The following NCOR1 variants were observed in gnomAD, a reference collection of about 807,000 sequenced individuals.
The protein encoded by NCOR1 is protein phosphatase 1, regulatory subunit 109.
In NCOR1, 63 loss-of-function variants were observed where a neutral mutation model predicts 288.1. The observed-to-expected ratio is 0.22, with a 90% CI of 0.18 to 0.27. The LOEUF (loss-of-function observed/expected upper bound fraction) is 0.27, where lower values mean the gene tolerates loss of function less well. NCOR1 is among the 10% of genes least tolerant of loss of function. The probability of loss-of-function intolerance (pLI) is 1.00; values close to 1 mark genes in which losing one functional copy is unlikely to be tolerated. For synonymous variants in NCOR1, 1,007 were observed against 1,065.9 expected, an observed-to-expected ratio of 0.94 and a Z score of 1.08; for missense variants, 2,397 against 3,019.2, an observed-to-expected ratio of 0.79 and a Z score of 4.83.
intron 1 of NCOR1, among the ~76,000 whole-genome samples, chr17:16,207,942 T>A (rs574169401): frequency 1.3e-5 from 2 of 151,566 alleles, no homozygotes; most frequent in Non-Finnish European, 2.9e-5. Flanking sequence ...CTAATCTACT[T>A]AATTTTTTAT....
intron 21 of NCOR1, among the ~76,000 whole-genome samples, chr17:16,096,076 ATGGATTAAGGG>A (rs2066556025): frequency 6.6e-6 from 1 of 152,130 alleles, no homozygotes; most frequent in South Asian, 2.1e-4. Flanking sequence ...TCAGGGTTAA[ATGGATTAAGGG>A]TGGTGCAAGA....
At chr17:16,147,082 A>G (rs1001564238) in intron 9 of NCOR1, among the ~76,000 whole-genome samples, 2 of 152,208 alleles carry the variant, frequency 1.3e-5, no homozygotes, top group African/African-American at 4.8e-5. Flanking sequence ...GACAGTATGA[A>G]AAAGGCAGAA....
At chr17:16,070,966 T>C (rs577361539) in intron 30 of NCOR1, among the ~76,000 whole-genome samples, 4 of 150,080 alleles carry the variant, frequency 2.7e-5, no homozygotes, top group East Asian at 3.9e-4. Flanking sequence ...GAGGCGGACG[T>C]TGCAGTGAGC....
chr17:16,047,968 G>A (rs987385626), intron 41 of NCOR1, among the ~76,000 whole-genome samples: 7 of 152,150 alleles, frequency 4.6e-5, no homozygotes, highest in African/African-American at 1.7e-4. Context: ...CTCCAAAAAT[G>A]GATTTTCTTC....
intron 20 of NCOR1, among the ~76,000 whole-genome samples, chr17:16,099,669 G>C (rs2067253631): frequency 6.6e-6 from 1 of 152,124 alleles, no homozygotes; most frequent in East Asian, 1.9e-4. Context: ...ATTTAGATGA[G>C]ATGTTTCAAT....
rs2152603021 is a variant in NCOR1, at chr17:16,061,646, T to C, written c.5636A>G (p.Gln1879Arg). 6.2e-7 allele frequency: 1 copy of C among 1,614,250 alleles called. No homozygotes were observed. Among genetic ancestry groups the C allele is most frequent in the Non-Finnish European group, 8.5e-7 (1 of 1,180,038 alleles). The change falls in exon 37 of 46, where the codon CAG (glutamine) becomes CGG (arginine). Residue 1879 changes from glutamine (Q) to arginine (R), a missense_variant. This residue lies in a region of NCOR1 where 1,872 missense variants were observed against 2,187.8 expected (regional missense o/e 0.86). Coordinates refer to ENST00000268712, the MANE Select transcript of NCOR1 (RefSeq NM_006311.4). ...KTLEVEKRSV[Q>R]CLYTSSAFPS... The stretch of plus-strand genomic sequence containing the variant: ...AAAGGCTGAAGAAGTGTATAAACAC[T>C]GAACAGATCTCTTCTCCACCTCCAG...
chr17:16,035,443 G>A, intron 44 of NCOR1, among the ~76,000 whole-genome samples: 1 of 151,362 alleles, frequency 6.6e-6, no homozygotes, highest in Non-Finnish European at 1.5e-5. Flanking sequence ...TCATCCCTAA[G>A]AAGCAACTCC....
At chr17:16,197,727 C>T (rs2090097501) in intron 1 of NCOR1, among the ~76,000 whole-genome samples, 2 of 152,198 alleles carry the variant, frequency 1.3e-5, no homozygotes, top group Non-Finnish European at 2.9e-5. Flanking sequence ...CACATTAAAA[C>T]CACCTGAGGA....
chr17:16,168,027 C>T lies in NCOR1; in HGVS notation c.436-2866G>A, dbSNP rs80299546. Among the ~76,000 whole-genome samples, 5 of 151,512 alleles carry T rather than the reference C, an allele frequency of 3.3e-5. No individual in the cohort carries two copies. The South Asian group carries it at 6.2e-4, about 19-fold the overall frequency. ...CCAACAGAAAAATGGACAACATATA[C>T]GAAAAAACAATTTACAAAACAGGAA... On this transcript the variant is annotated intron_variant, in intron 4 of 45. Transcript: ENST00000268712.
intron 1 of NCOR1, among the ~76,000 whole-genome samples, chr17:16,214,989 C>G (rs960293568): frequency 1.3e-5 from 2 of 152,264 alleles, no homozygotes; most frequent in Non-Finnish European, 2.9e-5. Flanking sequence ...TCAGTGAGCC[C>G]AGGCCCGCCA....
At chr17:16,059,487 G>A (rs141781882) in intron 37 of NCOR1, among the ~76,000 whole-genome samples, 14 of 152,328 alleles carry the variant, frequency 9.2e-5, no homozygotes, top group Admixed American at 8.5e-4. Flanking sequence ...AAGGGAGGAT[G>A]TCAACCAACT....
At chr17:16,126,808 A>C (rs781215283) in intron 14 of NCOR1, among the ~76,000 whole-genome samples, 1 of 152,176 alleles carries the variant, frequency 6.6e-6, no homozygotes, top group Non-Finnish European at 1.5e-5. Flanking sequence ...TTTATCTCTG[A>C]TGTCTCATTT....
intron 42 of NCOR1, chr17:16,044,362 A>C (rs2058293532): frequency 4.3e-6 from 2 of 470,358 alleles, no homozygotes; most frequent in Non-Finnish European, 8.8e-6. Flanking sequence ...AACATTTATT[A>C]ATCACAAGAG....
intron 32 of NCOR1, 173 bp from the exon 33 acceptor site, chr17:16,065,867 A>C (rs1209174092): frequency 8.2e-6 from 5 of 613,376 alleles, no homozygotes; most frequent in African/African-American, 5.5e-5. Flanking sequence ...TGTATTAGCA[A>C]TAGCAATTCT....
At chr17:16,117,748 G>A in intron 18 of NCOR1, 140 bp downstream of exon 18, 1 of 876,388 alleles carries the variant, frequency 1.1e-6, no homozygotes, top group Non-Finnish European at 1.6e-6. Context: ...CTTGAATCCG[G>A]GAGGAAGAGT....
intron 44 of NCOR1, 47 bp downstream of exon 44, chr17:16,039,386 C>CT: frequency 6.3e-7 from 1 of 1,581,482 alleles, no homozygotes; most frequent in African/African-American, 1.3e-5. Context: ...AATAAACTGG[C>CT]TTTTTTGGGG....
At chr17:16,064,530 G>C (rs2060905730) in intron 34 of NCOR1, among the ~76,000 whole-genome samples, 1 of 151,850 alleles carries the variant, frequency 6.6e-6, no homozygotes, top group Non-Finnish European at 1.5e-5. Context: ...TTGAACCTGG[G>C]AGATGGAGGT....
chr17:16,042,937 A>G (rs982969219), intron 42 of NCOR1, among the ~76,000 whole-genome samples: 2 of 152,152 alleles, frequency 1.3e-5, no homozygotes, highest in Non-Finnish European at 1.5e-5. Context: ...CGACCATTCA[A>G]CTCCCCAGAG....
At chr17:16,153,429 A>G (rs1397522421) in intron 6 of NCOR1, 34 bp from the exon 7 acceptor site, 3 of 1,373,322 alleles carry the variant, frequency 2.2e-6, no homozygotes, top group African/African-American at 1.5e-5. Flanking sequence ...TCATATAATT[A>G]AAAATTACAT....
Sources: allele counts gnomAD v4.1 joint callset (sites outside exome capture counted in the v4.1 genomes callset), GRCh38; gene constraint gnomAD v4.1.1; regional missense constraint gnomAD v4.1.1; transcripts MANE v1.5; gene names NCBI Gene and HGNC (gene_info 2026-07-23, HGNC 2026-07-21).